The following GPX8 variants were observed in gnomAD, a reference collection of about 807,000 sequenced individuals.
GPX8 encodes protein peroxidase GPX8.
In GPX8, 12 loss-of-function variants were observed where a neutral mutation model predicts 17.8. The ratio of observed to expected loss-of-function variants is 0.67; its 90% CI spans 0.43 to 1.09. The LOEUF (loss-of-function observed/expected upper bound fraction) is 1.09. GPX8 is among the 50% of genes least tolerant of loss of function. The pLI is 0.00. For missense variants in GPX8, 209 were observed against 235.6 expected (o/e 0.89, Z 0.74); for synonymous variants, 86 against 88.1 (o/e 0.98, Z 0.14).
chr5:55,162,090 CAAAAAAAAAAAAA>C (rs34286995), intron 2 of GPX8, among the ~76,000 whole-genome samples: 3 of 90,714 alleles, frequency 3.3e-5, no homozygotes, highest in East Asian at 3.1e-4. Context: ...CCATATTAGT[CAAAAAAAAAAAAA>C]AAAAAAAAAA....
intron 2 of GPX8, 126 bp from the exon 3 acceptor site, chr5:55,163,929 G>T (rs1366185060): frequency 3.0e-6 from 2 of 661,798 alleles, no homozygotes; most frequent in South Asian, 4.2e-5. Flanking sequence ...TGGGTGTTTT[G>T]TTTTTTATAT....
In GPX8 at chr5:55,164,272, C is replaced by A; in HGVS notation, c.*54C>A. On this transcript the variant is annotated 3_prime_UTR_variant, in exon 3 of 3. Coordinates refer to ENST00000503787, the MANE Select transcript of GPX8 (RefSeq NM_001008397.4). ...AGAAATGTCTCCATGAGGGTTTGGTCTCATTTTAAACATTTTTTTTTTGGA... is the reference window on the plus strand; with the variant it reads ...AGAAATGTCTCCATGAGGGTTTGGTATCATTTTAAACATTTTTTTTTTGGA... The A allele has an allele frequency of 7.4e-7, 1 of 1,357,324 alleles. No individual in the cohort carries two copies. The highest frequency in any genetic ancestry group is 1.9e-5 in the South Asian group (1 of 52,066). The allele number at this position is 1,357,324 out of a possible 1,614,324, so 84.1% of individuals were successfully genotyped here. A position where few individuals can be genotyped will look rare whatever the true frequency, so the allele number is the denominator to read the frequency against.
chr5:55,165,395 A>G lies in GPX8; in HGVS notation c.*1177A>G, dbSNP rs1744327454. The G allele has an allele frequency of 6.6e-6, 1 of 152,226 alleles. No individual in the cohort carries two copies. Among genetic ancestry groups the G allele is most frequent in the Non-Finnish European group, 1.5e-5 (1 of 68,030 alleles). The allele number at this position is 152,226 out of a possible 1,614,324, so 9.4% of individuals were successfully genotyped here. Reference sequence around the variant, plus strand: ...TCGCATAAAAGAATTAAATAGGAAGATGGCCAAAAATGTAAAAAAGTCGTA... The same window carrying G: ...TCGCATAAAAGAATTAAATAGGAAGGTGGCCAAAAATGTAAAAAAGTCGTA... On this transcript the variant is annotated 3_prime_UTR_variant, in exon 3 of 3. Coordinates refer to ENST00000503787, the MANE Select transcript of GPX8 (RefSeq NM_001008397.4).
rs1283449938 is a variant in GPX8 at position 55,161,031 on chromosome 5, TCA to T, written c.245_246del (p.Thr82ArgfsTer59). 1.3e-5 allele frequency: 21 copies of T among 1,613,946 alleles called. No homozygotes were observed. The highest frequency in any genetic ancestry group is 1.7e-5 in the Admixed American group (1 of 59,968). ...GTAAACGTGGCCAGTGACTGCCAAC[TCA>T]CAGACAGAAATTACTTAGGGCTGAA... On this transcript the variant is annotated frameshift_variant, in exon 2 of 3. Transcript: ENST00000503787. LOFTEE classifies it high-confidence loss of function.
In GPX8 at chr5:55,160,990, G is replaced by T; in HGVS notation, c.205-4G>T. On this transcript the variant is annotated splice_polypyrimidine_tract_variant and splice_region_variant and intron_variant, in intron 1 of 2. Coordinates refer to ENST00000503787, the MANE Select transcript of GPX8 (RefSeq NM_001008397.4). ...CCGGTTGGATTTTTTTCTTTTTCCG[G>T]GAGGTTTCACTAGTTGTAAACGTGG... 1 of 1,583,732 alleles carries T rather than the reference G, an allele frequency of 6.3e-7. No individual in the cohort carries two copies. The highest frequency in any genetic ancestry group is 8.6e-7 in the Non-Finnish European group (1 of 1,167,574).
Position 55,160,203 on chromosome 5 carries a change from T to A in GPX8, c.11T>A (p.Leu4His). Residue 4 changes from leucine to histidine, a missense_variant, in exon 1 of 3, where the codon CTT becomes CAT. Leu to His is a moderately conservative substitution (Grantham distance 99, BLOSUM62 -3). Transcript: ENST00000503787. MEP[L>H]AAYPLKCSGP... ...CTAGAATCCTCCAACATGGAGCCTC[T>A]TGCAGCTTACCCGCTAAAATGTTCC... 6.2e-7 allele frequency: 1 copy of A among 1,613,890 alleles called. No homozygotes were observed. The highest frequency in any genetic ancestry group is 8.5e-7 in the Non-Finnish European group (1 of 1,179,782).
chr5:55,161,248 T>G lies in GPX8; in HGVS notation c.459T>G (p.Phe153Leu). 6.2e-7 allele frequency: 1 copy of G among 1,613,302 alleles called. No homozygotes were observed. Among genetic ancestry groups the G allele is most frequent in the Non-Finnish European group, 8.5e-7 (1 of 1,179,566 alleles). Residue 153 changes from phenylalanine (F) to leucine (L), a missense_variant, in exon 2 of 3, where the codon TTT (phenylalanine) becomes TTG (leucine). Coordinates refer to ENST00000503787, the MANE Select transcript of GPX8 (RefSeq NM_001008397.4). ...LGSEGEPAFR[F>L]LVDSSKKEPR... is the part of the protein sequence containing the mutation. ...CTGAAGGAGAACCTGCATTTAGATT[T>G]CTTGTTGGTAAATATCTGCCTTGCA...
At position 55,165,941 on chromosome 5, in the gene GPX8, G is replaced by A. The variant is rs78932953; in HGVS notation, c.*1723G>A. Reference sequence around the variant, plus strand: ...ATCAGAACTAACCTGGATTGTTAGCGAAGAAAACAGAAGCCACCAACAAGC... The same window carrying A: ...ATCAGAACTAACCTGGATTGTTAGCAAAGAAAACAGAAGCCACCAACAAGC... On this transcript the variant is annotated 3_prime_UTR_variant, in exon 3 of 3. Coordinates refer to ENST00000503787, the MANE Select transcript of GPX8 (RefSeq NM_001008397.4). 13 of 152,296 alleles carry A rather than the reference G, an allele frequency of 8.5e-5. 1 individual carries two copies. In the East Asian group the frequency reaches 1.3e-3, roughly 16 times the overall value. The allele number at this position is 152,296 out of a possible 1,614,324, so 9.4% of individuals were successfully genotyped here.
chr5:55,160,448 T>C (rs1383661992), intron 1 of GPX8, 52 bp downstream of exon 1: 1 of 1,441,182 alleles, frequency 6.9e-7, no homozygotes. Flanking sequence ...TGTCTCTGTT[T>C]ATTCCTCTTA....
rs772846200 is a variant in GPX8 at position 55,164,174 on chromosome 5, G to C, written c.586G>C (p.Ala196Pro). The C allele has an allele frequency of 6.3e-7, 1 of 1,588,576 alleles. No homozygotes were observed. Among genetic ancestry groups the C allele is most frequent in the Non-Finnish European group, 8.6e-7 (1 of 1,163,958 alleles). Residue 196 changes from alanine (A) to proline (P), a missense_variant, in exon 3 of 3, where the codon GCT becomes CCT. Ala to Pro is a conservative substitution (Grantham distance 27, BLOSUM62 -1). Transcript: ENST00000503787. Reference sequence around the variant, plus strand: ...TGAAGTCATCAGGCCTGACATAGCAGCTCTGGTTAGACAAGTGATCATAAA... The same window carrying C: ...TGAAGTCATCAGGCCTGACATAGCACCTCTGGTTAGACAAGTGATCATAAA... Reference protein sequence around the residue: ...PIEVIRPDIAALVRQVIIKKK... With the variant: ...PIEVIRPDIAPLVRQVIIKKK...
rs1269376382 is a variant in GPX8 at position 55,164,795 on chromosome 5, T to C, written c.*577T>C. The C allele has an allele frequency of 6.6e-6, 1 of 152,218 alleles. No homozygotes were observed. The highest frequency in any genetic ancestry group is 1.5e-5 in the Non-Finnish European group (1 of 68,036). The allele number at this position is 152,218 out of a possible 1,614,324, so 9.4% of individuals were successfully genotyped here. On this transcript the variant is annotated 3_prime_UTR_variant, in exon 3 of 3. Transcript: ENST00000503787. The stretch of plus-strand genomic sequence containing the variant: ...GCTTGTTTTGTGTACAGGATTTTGT[T>C]TTTTCTTTTTAAGTACAGGTTCCTA...
In GPX8 at chr5:55,161,145, G is replaced by A. The variant is rs2111942350; in HGVS notation, c.356G>A (p.Ser119Asn). 1 of 1,614,182 alleles carries A rather than the reference G, an allele frequency of 6.2e-7. No homozygotes were observed. Among genetic ancestry groups the A allele is most frequent in the Non-Finnish European group, 8.5e-7 (1 of 1,180,034 alleles). Reference sequence around the variant, plus strand: ...TTTGGAGAATCGGAGCCCCGCCCAAGCAAGGAAGTAGAATCTTTTGCAAGA... The same window carrying A: ...TTTGGAGAATCGGAGCCCCGCCCAAACAAGGAAGTAGAATCTTTTGCAAGA... ...NQFGESEPRP[S>N]KEVESFARKN... Residue 119 changes from serine (S) to asparagine (N), a missense_variant, in exon 2 of 3, where the codon AGC (serine) becomes AAC (asparagine). Ser to Asn is a conservative substitution (Grantham distance 46). Coordinates refer to ENST00000503787, the MANE Select transcript of GPX8 (RefSeq NM_001008397.4).
Position 55,164,159 on chromosome 5 carries a change from A to G in GPX8, c.571A>G (p.Arg191Gly), listed in dbSNP as rs1331907181. Residue 191 changes from arginine (R) to glycine (G), a missense_variant, in exon 3 of 3, where the codon AGG (arginine) becomes GGG (glycine). Transcript: ENST00000503787. ...GCCAGAGGAGCCCATTGAAGTCATC[A>G]GGCCTGACATAGCAGCTCTGGTTAG... ...WKPEEPIEVI[R>G]PDIAALVRQV... is the part of the protein sequence containing the mutation. 1.2e-6 allele frequency: 2 copies of G among 1,600,846 alleles called. No homozygotes were observed.
chr5:55,163,296 G>A (rs192011376), intron 2 of GPX8, among the ~76,000 whole-genome samples: 134 of 152,064 alleles, frequency 8.8e-4, no homozygotes, highest in African/African-American at 3.0e-3. Flanking sequence ...AAGACAGGAG[G>A]ATCACTTTAG....
At position 55,164,052 on chromosome 5, in the gene GPX8, T is replaced by G. The variant is rs1343537891; in HGVS notation, c.467-3T>G. On this transcript the variant is annotated splice_polypyrimidine_tract_variant and splice_region_variant and intron_variant, in intron 2 of 2. Coordinates refer to ENST00000503787, the MANE Select transcript of GPX8 (RefSeq NM_001008397.4). ...TCATGAAAATATGTTCTGGATATTT[T>G]AGATTCTTCAAAGAAGGAACCAAGG... The G allele has an allele frequency of 4.5e-6, 7 of 1,562,228 alleles. No homozygotes were observed. Among genetic ancestry groups the G allele is most frequent in the Non-Finnish European group, 6.1e-6 (7 of 1,150,370 alleles).
chr5:55,161,901 T>G (rs1742044436), intron 2 of GPX8, among the ~76,000 whole-genome samples: 1 of 152,162 alleles, frequency 6.6e-6, no homozygotes, highest in Admixed American at 6.5e-5. Context: ...CTACCTGGGT[T>G]CAAACCCCTG....
chr5:55,160,404 G>A lies in GPX8; in HGVS notation c.204+8G>A. ...GAAAAGTATAAAGGCAAAGTAAGTTGCATCATCTGATTTTTATTGTTATCA... is the reference window on the plus strand; with the variant it reads ...GAAAAGTATAAAGGCAAAGTAAGTTACATCATCTGATTTTTATTGTTATCA... On this transcript the variant is annotated splice_region_variant and intron_variant, in intron 1 of 2. Transcript: ENST00000503787. The A allele has an allele frequency of 9.4e-6, 15 of 1,599,546 alleles. No homozygotes were observed. The highest frequency in any genetic ancestry group is 1.3e-5 in the Non-Finnish European group (15 of 1,169,070).
chr5:55,161,377 T>C, intron 2 of GPX8, 122 bp downstream of exon 2: 1 of 938,240 alleles, frequency 1.1e-6, no homozygotes, highest in South Asian at 1.7e-5. Context: ...AAAACTATCA[T>C]CAAAGAGCCA....
Position 55,164,984 on chromosome 5 carries a change from T to G in GPX8, c.*766T>G, listed in dbSNP as rs1744304658. ...ATTCTGTAATCATAATATTACCAAG[T>G]AAGTCAGTCTTTATTTTTGCGTGAA... On this transcript the variant is annotated 3_prime_UTR_variant, in exon 3 of 3. Coordinates refer to ENST00000503787, the MANE Select transcript of GPX8 (RefSeq NM_001008397.4). 1 of 152,214 alleles carries G rather than the reference T, an allele frequency of 6.6e-6. No homozygotes were observed. The highest frequency in any genetic ancestry group is 1.9e-4 in the East Asian group (1 of 5,208). The allele number at this position is 152,214 out of a possible 1,614,324, so 9.4% of individuals were successfully genotyped here. A position where few individuals can be genotyped will look rare whatever the true frequency, so the allele number is the denominator to read the frequency against.
Sources: allele counts gnomAD v4.1 joint callset (sites outside exome capture counted in the v4.1 genomes callset), GRCh38; gene constraint gnomAD v4.1.1; transcripts MANE v1.5; gene names NCBI Gene and HGNC (gene_info 2026-07-23, HGNC 2026-07-21).